The following CDH7 variants were observed in gnomAD, a reference collection of about 807,000 sequenced individuals.
The protein encoded by CDH7 is cadherin 7.
In CDH7, 25 loss-of-function variants were observed where a neutral mutation model predicts 71.8. That is an observed-to-expected ratio of 0.35 (90% CI 0.25 to 0.49). CDH7 has a LOEUF of 0.49. Among genes scored for constraint, CDH7 ranks in the 20% least tolerant of loss-of-function variants. The pLI is 0.99. For synonymous variants in CDH7, 381 were observed against 363.8 expected (o/e 1.05, Z -0.54); for missense variants, 862 against 974.6 (o/e 0.88, Z 1.54).
rs772952793 is a variant in CDH7, at chr18:65,862,752, A to G, written c.1699A>G (p.Ser567Gly). 4 of 1,614,180 alleles carry G rather than the reference A, an allele frequency of 2.5e-6. No homozygotes were observed. The highest frequency in any genetic ancestry group is 1.1e-5 in the South Asian group (1 of 91,088). The change falls in exon 11 of 12, where the codon AGT (serine) becomes GGT (glycine). Residue 567 changes from serine (S) to glycine (G), a missense_variant. Coordinates refer to ENST00000397968, the MANE Select transcript of CDH7 (RefSeq NM_004361.5). ...CTATCTGCCAATTTTCATTGTGGACAGTGGATCTCCCTCACTTAGCAGCAC... is the reference window on the plus strand; with the variant it reads ...CTATCTGCCAATTTTCATTGTGGACGGTGGATCTCCCTCACTTAGCAGCAC... ...VYYLPIFIVD[S>G]GSPSLSSTNT...
At chr18:65,776,882 G>C (rs1202157295) in intron 2 of CDH7, among the ~76,000 whole-genome samples, 2 of 152,166 alleles carry the variant, frequency 1.3e-5, no homozygotes, top group East Asian at 3.8e-4. Flanking sequence ...AGTTTGCAGG[G>C]AAAAGGTGCT....
chr18:65,814,769 TA>T (rs58722859), intron 4 of CDH7, among the ~76,000 whole-genome samples, 165 bp downstream of exon 4: 34,116 of 152,090 alleles, frequency 0.22, 4,110 homozygotes, highest in Non-Finnish European at 0.27. Flanking sequence ...TATCACCTTT[TA>T]AAAATATTTT....
At chr18:65,860,688 G>A (rs1226155310) in intron 10 of CDH7, among the ~76,000 whole-genome samples, 2 of 152,024 alleles carry the variant, frequency 1.3e-5, no homozygotes, top group African/African-American at 4.8e-5. Context: ...TGTAAATCTG[G>A]TTTTAGGAAA....
At chr18:65,756,032 G>A (rs1916019473) in intron 1 of CDH7, among the ~76,000 whole-genome samples, 1 of 152,036 alleles carries the variant, frequency 6.6e-6, no homozygotes, top group Non-Finnish European at 1.5e-5. Context: ...GTAAATAGAA[G>A]GTTCATCTTA....
In CDH7 at chr18:65,763,024, T is replaced by C; in HGVS notation, c.182T>C (p.Met61Thr). 6.2e-7 allele frequency: 1 copy of C among 1,613,354 alleles called. No individual in the cohort carries two copies. Among genetic ancestry groups the C allele is most frequent in the Non-Finnish European group, 8.5e-7 (1 of 1,179,634 alleles). The change falls in exon 2 of 12, where the codon ATG (methionine) becomes ACG (threonine). Residue 61 changes from methionine to threonine, a missense_variant. Coordinates refer to ENST00000397968, the MANE Select transcript of CDH7 (RefSeq NM_004361.5). ...WNQFFVLEEY[M>T]GSDPLYVGKL... is the part of the protein sequence containing the mutation. ...CAGTTCTTTGTGCTGGAGGAATACA[T>C]GGGTTCAGACCCCCTCTATGTAGGA...
chr18:65,766,883 CGTAAAAAAAAAAAAAAAAAAA>C (rs1568174048), intron 2 of CDH7, among the ~76,000 whole-genome samples: 3 of 80,234 alleles, frequency 3.7e-5, no homozygotes, highest in African/African-American at 1.1e-4. Flanking sequence ...AACTGTCTGA[CGTAAAAAAAAAAAAAAAAAAA>C]AAAAAAAAAA....
At chr18:65,829,650 C>G (rs1912264470) in intron 6 of CDH7, among the ~76,000 whole-genome samples, 1 of 151,062 alleles carries the variant, frequency 6.6e-6, no homozygotes, top group African/African-American at 2.5e-5. Context: ...CTGCACTCTG[C>G]TTTCGTGCCC....
chr18:65,787,615 A>G (rs1910563276), intron 2 of CDH7, among the ~76,000 whole-genome samples: 1 of 152,222 alleles, frequency 6.6e-6, no homozygotes, highest in Admixed American at 6.5e-5. Flanking sequence ...ACACAAGGAA[A>G]GACTGGATGG....
intron 11 of CDH7, among the ~76,000 whole-genome samples, chr18:65,869,127 T>C (rs1406329286): frequency 9.9e-5 from 15 of 152,160 alleles, no homozygotes; most frequent in Admixed American, 9.8e-4. Flanking sequence ...GCATCCTCCA[T>C]GGTCAATTAG....
At chr18:65,775,090 T>G (rs1909887790) in intron 2 of CDH7, among the ~76,000 whole-genome samples, 1 of 152,174 alleles carries the variant, frequency 6.6e-6, no homozygotes, top group Non-Finnish European at 1.5e-5. Context: ...AGCTTTTTGT[T>G]TTGTTTTCTC....
intron 2 of CDH7, among the ~76,000 whole-genome samples, chr18:65,775,453 T>C (rs1016094406): frequency 3.3e-5 from 5 of 152,222 alleles, no homozygotes; most frequent in African/African-American, 1.2e-4. Flanking sequence ...TTGTTAATAA[T>C]AGTGGTACAT....
intron 2 of CDH7, among the ~76,000 whole-genome samples, chr18:65,781,515 G>C (rs1005755297): frequency 6.6e-6 from 1 of 151,816 alleles, no homozygotes; most frequent in Admixed American, 6.6e-5. Flanking sequence ...TGGCTTTTTT[G>C]GTACAAGTTT....
chr18:65,823,367 G>C (rs73966327), intron 5 of CDH7, among the ~76,000 whole-genome samples: 2,160 of 151,882 alleles, frequency 0.014, 50 homozygotes, highest in African/African-American at 0.05. Flanking sequence ...CAATTATCTT[G>C]GGCTTATAAT....
intron 5 of CDH7, 24 bp downstream of exon 5, chr18:65,822,272 C>G (rs1461983645): frequency 4.4e-6 from 7 of 1,585,464 alleles, no homozygotes; most frequent in Non-Finnish European, 6.1e-6. Context: ...TTAAGTGACA[C>G]AAGTGCAATA....
intron 1 of CDH7, among the ~76,000 whole-genome samples, chr18:65,756,448 A>G (rs1266614961): frequency 2.0e-5 from 3 of 152,242 alleles, no homozygotes; most frequent in Admixed American, 2.0e-4. Flanking sequence ...GTCTTGGACT[A>G]TCATTCTCCA....
intron 2 of CDH7, among the ~76,000 whole-genome samples, chr18:65,778,416 T>A (rs536501589): frequency 2.0e-5 from 3 of 151,820 alleles, no homozygotes; most frequent in African/African-American, 7.2e-5. Flanking sequence ...GAAACTGGTT[T>A]CTTTTTATTC....
At chr18:65,797,777 C>T (rs1910969390) in intron 2 of CDH7, among the ~76,000 whole-genome samples, 1 of 152,144 alleles carries the variant, frequency 6.6e-6, no homozygotes, top group South Asian at 2.1e-4. Flanking sequence ...TGCAGACATG[C>T]TTATTTTCCC....
intron 1 of CDH7, among the ~76,000 whole-genome samples, chr18:65,756,519 C>T (rs1170682127): frequency 6.6e-6 from 1 of 152,158 alleles, no homozygotes; most frequent in Non-Finnish European, 1.5e-5. Context: ...ATCAGCATTA[C>T]CAATTGATAA....
At chr18:65,764,455 C>T (rs920189956) in intron 2 of CDH7, among the ~76,000 whole-genome samples, 16 of 151,954 alleles carry the variant, frequency 1.1e-4, no homozygotes, top group Non-Finnish European at 2.2e-4. Context: ...CTACCAGTAA[C>T]ACCGTCATAT....
Sources: allele counts gnomAD v4.1 joint callset (sites outside exome capture counted in the v4.1 genomes callset), GRCh38; gene constraint gnomAD v4.1.1; transcripts MANE v1.5; gene names NCBI Gene and HGNC (gene_info 2026-07-23, HGNC 2026-07-21).